The following CEP162 variants were observed in gnomAD, a reference collection of about 807,000 sequenced individuals.
CEP162 encodes centrosomal protein 162, also known as centrosomal protein of 162 kDa.
A neutral mutation model predicts 169.2 loss-of-function variants in CEP162; 141 were observed. That is an observed-to-expected ratio of 0.83 (90% CI 0.73 to 0.96). The LOEUF is 0.96. Among genes scored for constraint, CEP162 ranks in the 40% least tolerant of loss-of-function variants. CEP162 has a pLI of 0.00. For synonymous variants in CEP162, 540 were observed against 526.4 expected (o/e 1.03, Z -0.35); for missense variants, 1,600 against 1,587.2 (o/e 1.01, Z -0.14).
chr6:84,162,893 A>G (rs2099526355), intron 19 of CEP162, among the ~76,000 whole-genome samples: 2 of 152,338 alleles, frequency 1.3e-5, no homozygotes, highest in South Asian at 4.1e-4. Flanking sequence ...AGGATGACAG[A>G]TTTATGAACG....
chr6:84,191,028 T>G lies in CEP162; in HGVS notation c.1109+2581A>C, dbSNP rs570479327. ...TTGCTTGTAAATTTGCTTAAGTTCC[T>G]TATAGATTCTGGGTAGCAAAGAACT... On this transcript the variant is annotated intron_variant, in intron 11 of 26. Coordinates refer to ENST00000403245, the MANE Select transcript of CEP162 (RefSeq NM_014895.4). 3.3e-5 allele frequency among the ~76,000 whole-genome samples: 5 copies of G among 152,308 alleles called. 1 individual carries two copies. The East Asian group carries it at 9.7e-4, about 29-fold the overall frequency.
intron 13 of CEP162, among the ~76,000 whole-genome samples, chr6:84,180,142 C>A (rs1203813551): frequency 1.3e-5 from 2 of 152,158 alleles, no homozygotes; most frequent in Non-Finnish European, 2.9e-5. Context: ...AAAGCTTATC[C>A]ACCATGATCA....
In CEP162 at chr6:84,213,102, A is replaced by T. The variant is rs183490490; in HGVS notation, c.504-78T>A. ...TGCAACTCTTTCTGTATACCGTTTT[A>T]AAAAATCCCTAAAATTATACATGTC... On this transcript the variant is annotated intron_variant, in intron 5 of 26. Coordinates refer to ENST00000403245, the MANE Select transcript of CEP162 (RefSeq NM_014895.4). 1.5e-3 allele frequency: 1,279 copies of T among 843,090 alleles called. 12 individuals carry two copies. In the African/African-American group the frequency reaches 0.019, roughly 13 times the overall value. 52.2% of individuals were successfully genotyped at this position (843,090 alleles called of 1,614,324 possible). A position where few individuals can be genotyped will look rare whatever the true frequency, so the allele number is the denominator to read the frequency against.
intron 3 of CEP162, among the ~76,000 whole-genome samples, chr6:84,216,987 T>C (rs1388425089): frequency 1.3e-5 from 2 of 152,196 alleles, no homozygotes; most frequent in Non-Finnish European, 2.9e-5. Flanking sequence ...AGGTTCTGAG[T>C]ATTACTTATT....
At chr6:84,167,853 T>C (rs556129341) in intron 18 of CEP162, among the ~76,000 whole-genome samples, 16 of 152,210 alleles carry the variant, frequency 1.1e-4, no homozygotes, top group Admixed American at 7.2e-4. Flanking sequence ...CAGCTTCTTT[T>C]TTCCTAATCC....
chr6:84,153,844 A>T (rs2099522038), intron 22 of CEP162, among the ~76,000 whole-genome samples: 1 of 152,184 alleles, frequency 6.6e-6, no homozygotes, highest in African/African-American at 2.4e-5. Flanking sequence ...GGAGAGCAAC[A>T]TGGCAGCAGC....
chr6:84,147,443 G>C (rs577802533), intron 24 of CEP162, among the ~76,000 whole-genome samples: 6 of 152,124 alleles, frequency 3.9e-5, no homozygotes, highest in African/African-American at 1.4e-4. Flanking sequence ...ACTGTACTTG[G>C]CAACAATATT....
intron 19 of CEP162, among the ~76,000 whole-genome samples, chr6:84,162,398 C>G (rs1330252459): frequency 6.6e-6 from 1 of 152,110 alleles, no homozygotes; most frequent in African/African-American, 2.4e-5. Flanking sequence ...AAAAGGGAAG[C>G]AAATGTCATT....
intron 11 of CEP162, among the ~76,000 whole-genome samples, chr6:84,189,752 C>T (rs188569002): frequency 0.061 from 9,213 of 152,212 alleles, 902 homozygotes; most frequent in African/African-American, 0.21. Flanking sequence ...CTGAGGAATG[C>T]GAGCACACGG....
intron 11 of CEP162, among the ~76,000 whole-genome samples, chr6:84,190,006 T>C (rs1044986025): frequency 6.3e-5 from 9 of 142,138 alleles, no homozygotes; most frequent in Non-Finnish European, 1.1e-4. Context: ...ATTGTAAATA[T>C]ACCAATCAGC....
chr6:84,148,174 A>AT (rs2099519770), intron 24 of CEP162, among the ~76,000 whole-genome samples: 1 of 152,126 alleles, frequency 6.6e-6, no homozygotes, highest in Non-Finnish European at 1.5e-5. Flanking sequence ...TACGAAAGGC[A>AT]CTTTAAGTAT....
At chr6:84,208,690 G>T (rs2099548269) in intron 6 of CEP162, among the ~76,000 whole-genome samples, 1 of 152,190 alleles carries the variant, frequency 6.6e-6, no homozygotes, top group Admixed American at 6.5e-5. Context: ...GATAAACTAG[G>T]TTAGTTGGTT....
intron 9 of CEP162, among the ~76,000 whole-genome samples, chr6:84,197,847 A>G (rs1185711870): frequency 6.7e-6 from 1 of 149,514 alleles, no homozygotes; most frequent in African/African-American, 2.5e-5. Flanking sequence ...AAAAAAAGAG[A>G]GAAAGTTGAG....
At chr6:84,204,548 A>G (rs2099545967) in intron 6 of CEP162, among the ~76,000 whole-genome samples, 1 of 152,232 alleles carries the variant, frequency 6.6e-6, no homozygotes, top group East Asian at 1.9e-4. Context: ...AAGACACAAC[A>G]TACCAGAATC....
At chr6:84,225,630 T>C (rs2099555409) in intron 2 of CEP162, among the ~76,000 whole-genome samples, 1 of 152,160 alleles carries the variant, frequency 6.6e-6, no homozygotes, top group Non-Finnish European at 1.5e-5. Flanking sequence ...ATAATAGCAA[T>C]GAACGTAGAG....
chr6:84,142,017 A>T (rs2099516896), intron 25 of CEP162, among the ~76,000 whole-genome samples: 1 of 152,300 alleles, frequency 6.6e-6, no homozygotes, highest in East Asian at 1.9e-4. Flanking sequence ...TTGAAATTTA[A>T]ACCTTCAAGG....
intron 24 of CEP162, among the ~76,000 whole-genome samples, chr6:84,148,325 T>C (rs879496552): frequency 6.6e-6 from 1 of 152,204 alleles, no homozygotes. Context: ...GGTCAGAAGT[T>C]CGAGACCAAC....
chr6:84,174,780 G>A lies in CEP162; in HGVS notation c.1972C>T (p.Gln658Ter). ...ENKLEELKKQ[Q>*]EKELFKLNQD... ...TTCAATTTGAAGAGTTCTTTTTCCTGTTGTTTCTTTAGTTCTTCCAACTTA... is the reference window on the plus strand; with the variant it reads ...TTCAATTTGAAGAGTTCTTTTTCCTATTGTTTCTTTAGTTCTTCCAACTTA... The change falls in exon 15 of 27, where the codon CAG becomes TAG. Residue 658 changes from glutamine to a stop codon, truncating the protein, a stop_gained. Coordinates refer to ENST00000403245, the MANE Select transcript of CEP162 (RefSeq NM_014895.4). LOFTEE classifies it high-confidence loss of function. 6.4e-7 allele frequency: 1 copy of A among 1,567,766 alleles called. No individual in the cohort carries two copies. Among genetic ancestry groups the A allele is most frequent in the Non-Finnish European group, 8.7e-7 (1 of 1,149,352 alleles).
At chr6:84,162,995 T>A (rs1365076568) in intron 19 of CEP162, 149 bp downstream of exon 19, 1 of 717,728 alleles carries the variant, frequency 1.4e-6, no homozygotes, top group Non-Finnish European at 2.2e-6. Context: ...TCACACATCT[T>A]TTAATAACTA....
Sources: gnomAD v4.1 joint callset for allele counts (sites outside exome capture counted in the v4.1 genomes callset) on GRCh38, gnomAD v4.1.1 for gene constraint, MANE v1.5 for transcripts, NCBI Gene and HGNC (gene_info 2026-07-23, HGNC 2026-07-21) for gene names.